EPHA7: variants seen among roughly 807,000 people sequenced by gnomAD.
The protein encoded by EPHA7 is ephrin type-A receptor 7.
Under a neutral mutation model 112.6 loss-of-function variants are expected in EPHA7, and 25 were observed. The observed-to-expected ratio is 0.22, with a 90% CI of 0.16 to 0.31. The LOEUF is 0.31. Ranked by LOEUF, EPHA7 falls within the 10% of genes least tolerant of loss-of-function variation. The probability of loss-of-function intolerance (pLI) is 1.00; values close to 1 mark genes in which losing one functional copy is unlikely to be tolerated. For synonymous variants in EPHA7, 437 were observed against 406.5 expected (o/e 1.07, Z -0.90); for missense variants, 962 against 1,212.6 (o/e 0.79, Z 3.07).
rs1771231543 is a variant in EPHA7 at position 93,271,754 on chromosome 6, A to G, written c.1449+544T>C. ...GAGGTGTAAATAAGTCCCATACATG[A>G]TTATTAAAACATATATAAAATAAAT... On this transcript the variant is annotated intron_variant, in intron 6 of 16. Transcript: ENST00000369303. Among the ~76,000 whole-genome samples the G allele has an allele frequency of 2.6e-5, 4 of 152,058 alleles. No individual in the cohort carries two copies. The South Asian group carries it at 8.3e-4, about 32-fold the overall frequency.
chr6:93,388,957 G>A (rs546707889), intron 3 of EPHA7, among the ~76,000 whole-genome samples: 22 of 152,038 alleles, frequency 1.4e-4, no homozygotes, highest in Admixed American at 5.9e-4. Context: ...AAATAATGAA[G>A]GGGAGCAAGA....
Position 93,358,290 on chromosome 6 carries a change from C to G in EPHA7, c.954G>C (p.Arg318Ser). Residue 318 changes from arginine (R) to serine (S), a missense_variant, in exon 4 of 17, where the codon AGG becomes AGC. Physicochemically the swap from Arg to Ser is moderately radical, Grantham distance 110. This residue lies in a region of EPHA7 where 746 missense variants were observed against 889.2 expected (regional missense o/e 0.84). Coordinates refer to ENST00000369303, the MANE Select transcript of EPHA7 (RefSeq NM_004440.4). ...CAACGTATGGTGGGTCAGATGGAGCCCTGTAATACCCATCTTCACATTCAC... is the reference window on the plus strand; with the variant it reads ...CAACGTATGGTGGGTCAGATGGAGCGCTGTAATACCCATCTTCACATTCAC... ...SRCECEDGYY[R>S]APSDPPYVAC... 1 of 1,611,896 alleles carries G rather than the reference C, an allele frequency of 6.2e-7. No homozygotes were observed. The highest frequency in any genetic ancestry group is 8.5e-7 in the Non-Finnish European group (1 of 1,178,966).
rs1770532534 is a variant in EPHA7, at chr6:93,258,298, A to C, written c.1925-14T>G. 1 of 1,533,444 alleles carries C rather than the reference A, an allele frequency of 6.5e-7. No individual in the cohort carries two copies. Among genetic ancestry groups the C allele is most frequent in the African/African-American group, 1.4e-5 (1 of 71,740 alleles). The allele number at this position is 1,533,444 out of a possible 1,614,324, so 95.0% of individuals were successfully genotyped here. ...CACCGAATTCTCCTGAAGTAACAGA[A>C]CAAGCAGGCATATTTTAGTTTCTAA... On this transcript the variant is annotated splice_polypyrimidine_tract_variant and intron_variant, in intron 10 of 16. Coordinates refer to ENST00000369303, the MANE Select transcript of EPHA7 (RefSeq NM_004440.4).
chr6:93,416,749 C>A (rs1275058293), intron 1 of EPHA7, among the ~76,000 whole-genome samples: 4 of 152,168 alleles, frequency 2.6e-5, no homozygotes, highest in African/African-American at 4.8e-5. Context: ...GCCTAGGACT[C>A]CAGGGCTCCG....
At chr6:93,417,372 G>T (rs989739353) in intron 1 of EPHA7, among the ~76,000 whole-genome samples, 4 of 152,074 alleles carry the variant, frequency 2.6e-5, no homozygotes, top group Non-Finnish European at 4.4e-5. Context: ...AGGCGTCGCC[G>T]CCTAGAAGCC....
intron 5 of EPHA7, among the ~76,000 whole-genome samples, chr6:93,290,251 T>G (rs1193506281): frequency 6.6e-6 from 1 of 152,118 alleles, no homozygotes; most frequent in Non-Finnish European, 1.5e-5. Flanking sequence ...ATTTTGGTAA[T>G]TCTCTGACTA....
chr6:93,359,864 GAGAGAGAGAGAGAT>G (rs755109246), intron 3 of EPHA7, among the ~76,000 whole-genome samples: 293 of 109,886 alleles, frequency 2.7e-3, no homozygotes, highest in African/African-American at 6.2e-3. Flanking sequence ...TAGAGAGAGA[GAGAGAGAGAGAGAT>G]AGATAGATAG....
At chr6:93,266,859 G>A (rs1200061395) in intron 7 of EPHA7, among the ~76,000 whole-genome samples, 3 of 151,672 alleles carry the variant, frequency 2.0e-5, no homozygotes, top group African/African-American at 7.3e-5. Flanking sequence ...GTGTTTCTGT[G>A]CCTCCTTAAT....
chr6:93,379,523 T>C (rs908020401), intron 3 of EPHA7, among the ~76,000 whole-genome samples: 14 of 152,028 alleles, frequency 9.2e-5, no homozygotes, highest in African/African-American at 3.4e-4. Flanking sequence ...AATAACTTTT[T>C]ATATTTAAAA....
chr6:93,399,645 C>T (rs1465701872), intron 3 of EPHA7, among the ~76,000 whole-genome samples: 4 of 151,912 alleles, frequency 2.6e-5, no homozygotes, highest in Admixed American at 6.6e-5. Flanking sequence ...ACTATGTTGA[C>T]TTTTGTTTTC....
Position 93,419,348 on chromosome 6 carries a change from T to C in EPHA7, c.-7A>G, listed in dbSNP as rs201423253. ...ACCGAGTTTGAAAAACCATGGTGCA[T>C]GAGCAGGTTTTATTTTAGGTTTCAG... On this transcript the variant is annotated 5_prime_UTR_variant, in exon 1 of 17. The change abolishes an upstream ATG in the 5' untranslated region. Transcript: ENST00000369303. 1.6e-5 allele frequency: 26 copies of C among 1,607,068 alleles called. No individual in the cohort carries two copies. The East Asian group carries it at 2.0e-4, about 12-fold the overall frequency.
At chr6:93,260,852 G>A (rs1724020853) in intron 9 of EPHA7, 1 of 577,994 alleles carries the variant, frequency 1.7e-6, no homozygotes, top group African/African-American at 2.0e-5. Flanking sequence ...AGAAGAAGGA[G>A]TATAGGGAAA....
intron 5 of EPHA7, among the ~76,000 whole-genome samples, chr6:93,356,057 T>C (rs1174536915): frequency 6.6e-6 from 1 of 152,186 alleles, no homozygotes; most frequent in South Asian, 2.1e-4. Flanking sequence ...AATTATCATG[T>C]AGTTTATGAT....
intron 3 of EPHA7, among the ~76,000 whole-genome samples, chr6:93,358,885 C>A (rs1427326161): frequency 2.0e-5 from 3 of 152,038 alleles, no homozygotes; most frequent in Non-Finnish European, 4.4e-5. Flanking sequence ...AATTACCAGA[C>A]TAGAAATAAA....
chr6:93,393,210 C>T (rs1424790843), intron 3 of EPHA7, among the ~76,000 whole-genome samples: 1 of 151,764 alleles, frequency 6.6e-6, no homozygotes, highest in Non-Finnish European at 1.5e-5. Flanking sequence ...TTTAATAACC[C>T]TCTATTGGCA....
chr6:93,413,293 T>C (rs1582696614), intron 2 of EPHA7, among the ~76,000 whole-genome samples: 1 of 151,980 alleles, frequency 6.6e-6, no homozygotes, highest in East Asian at 1.9e-4. Context: ...TAGGGTTAAC[T>C]GTTAAGATAC....
intron 3 of EPHA7, among the ~76,000 whole-genome samples, chr6:93,358,847 T>G (rs1776095499): frequency 6.6e-6 from 1 of 152,188 alleles, no homozygotes; most frequent in South Asian, 2.1e-4. Context: ...TTGATTTGGT[T>G]CATGTTGAAA....
intron 3 of EPHA7, among the ~76,000 whole-genome samples, chr6:93,382,121 C>T (rs956052009): frequency 6.6e-6 from 1 of 152,168 alleles, no homozygotes; most frequent in African/African-American, 2.4e-5. Flanking sequence ...ATGTTGTTAT[C>T]TCACAGTATA....
chr6:93,320,756 T>G (rs892720336), intron 5 of EPHA7, among the ~76,000 whole-genome samples: 5 of 152,102 alleles, frequency 3.3e-5, no homozygotes, highest in Non-Finnish European at 7.4e-5. Flanking sequence ...AAATTATATT[T>G]AAAGCTTACA....
Sources: gnomAD v4.1 joint callset for allele counts (sites outside exome capture counted in the v4.1 genomes callset) on GRCh38, gnomAD v4.1.1 for gene constraint, gnomAD v4.1.1 regional missense constraint, MANE v1.5 for transcripts, NCBI Gene and HGNC (gene_info 2026-07-23, HGNC 2026-07-21) for gene names.